KCNH1: variants seen among roughly 807,000 people sequenced by gnomAD.
KCNH1 encodes the protein potassium voltage-gated channel subfamily H member 1.
In KCNH1, 27 loss-of-function variants were observed where a neutral mutation model predicts 69.2. The ratio of observed to expected loss-of-function variants is 0.39; its 90% CI spans 0.29 to 0.54. The LOEUF is 0.54. KCNH1 is among the 20% of genes least tolerant of loss of function. The pLI is 0.68. For missense variants in KCNH1, 798 were observed against 1,261.6 expected (o/e 0.63, Z 5.57); for synonymous variants, 456 against 487.7 (o/e 0.93, Z 0.86).
intron 10 of KCNH1, among the ~76,000 whole-genome samples, chr1:210,689,924 C>T (rs1169987256): frequency 6.6e-6 from 1 of 152,202 alleles, no homozygotes; most frequent in Non-Finnish European, 1.5e-5. Flanking sequence ...GCTCTCAGAA[C>T]CCCTGGATGG....
rs71303042 is a variant in KCNH1, at chr1:210,746,569, C to CTT, written c.2112+28777_2112+28778dup. The stretch of plus-strand genomic sequence containing the variant: ...CACACAATCTTTTCTTTCTTTCTTT[C>CTT]TTTTTTTTTTTAAATAGAGTCTTGC... On this transcript the variant is annotated intron_variant, in intron 10 of 10. Transcript: ENST00000271751. Among the ~76,000 whole-genome samples, 232 of 148,208 alleles carry CTT rather than the reference C, an allele frequency of 1.6e-3. 3 individuals carry two copies. In the Middle Eastern group the frequency reaches 0.024, roughly 16 times the overall value.
rs80130910 is a variant in KCNH1, at chr1:210,710,025, C to T, written c.2113-25887G>A. Among the ~76,000 whole-genome samples the T allele has an allele frequency of 6.4e-3, 968 of 152,318 alleles. 10 individuals are homozygous for T. Among genetic ancestry groups the T allele is most frequent in the Non-Finnish European group, 4.7e-3 (323 of 68,028 alleles). ...TAAATGTGTCACAAGGCAATTTTGT[C>T]ATTGTGTGAACATCTTAGAGTATAC... On this transcript the variant is annotated intron_variant, in intron 10 of 10. Coordinates refer to ENST00000271751, the MANE Select transcript of KCNH1 (RefSeq NM_172362.3).
intron 7 of KCNH1, among the ~76,000 whole-genome samples, chr1:210,854,845 A>G (rs1449940482): frequency 1.3e-5 from 2 of 152,206 alleles, no homozygotes; most frequent in African/African-American, 2.4e-5. Context: ...ATGTTCTGCT[A>G]GCACCATGGA....
chr1:210,784,570 T>G (rs1423689592), intron 9 of KCNH1, among the ~76,000 whole-genome samples: 3 of 152,136 alleles, frequency 2.0e-5, no homozygotes, highest in Non-Finnish European at 4.4e-5. Flanking sequence ...GCAATGGAGG[T>G]GCTGAGGGGG....
At chr1:211,068,318 A>G (rs973608611) in intron 5 of KCNH1, among the ~76,000 whole-genome samples, 5 of 152,228 alleles carry the variant, frequency 3.3e-5, no homozygotes, top group Non-Finnish European at 7.4e-5. Context: ...CCAATTTCCA[A>G]TACGTCATGT....
rs12065044 is a variant in KCNH1 at position 211,061,522 on chromosome 1, G to A, written c.558+21258C>T. Among the ~76,000 whole-genome samples, 1,283 of 152,122 alleles carry A rather than the reference G, an allele frequency of 8.4e-3. 9 individuals are homozygous for A. The highest frequency in any genetic ancestry group is 0.029 in the African/African-American group (1,199 of 41,502). On this transcript the variant is annotated intron_variant, in intron 5 of 10. Coordinates refer to ENST00000271751, the MANE Select transcript of KCNH1 (RefSeq NM_172362.3). The stretch of plus-strand genomic sequence containing the variant: ...AATAAAGGACATCCAAATTGAAAAG[G>A]AAGAAGTCATTGTTTGCAGATGACA...
intron 10 of KCNH1, among the ~76,000 whole-genome samples, chr1:210,759,100 A>AG (rs1453671660): frequency 6.6e-6 from 1 of 150,812 alleles, no homozygotes. Flanking sequence ...TCATACCCCA[A>AG]GGGGAAAAAA....
At chr1:211,053,355 G>A (rs1361076919) in intron 5 of KCNH1, among the ~76,000 whole-genome samples, 1 of 152,184 alleles carries the variant, frequency 6.6e-6, no homozygotes, top group Non-Finnish European at 1.5e-5. Flanking sequence ...ACAAACCAGT[G>A]CAGCCAATGA....
In KCNH1 at chr1:210,801,658, C is replaced by G. The variant is rs149586939; in HGVS notation, c.1662+2309G>C. 7.2e-3 allele frequency among the ~76,000 whole-genome samples: 1,093 copies of G among 152,346 alleles called. 43 individuals carry two copies. Among genetic ancestry groups the G allele is most frequent in the Admixed American group, 0.052 (802 of 15,302 alleles). On this transcript the variant is annotated intron_variant, in intron 8 of 10. Coordinates refer to ENST00000271751, the MANE Select transcript of KCNH1 (RefSeq NM_172362.3). ...GGGGAAGGGCTTCTTTCCAGACAAC[C>G]AGACTTACAAAGGCATCCTGGTGCC... is the stretch of plus-strand genomic sequence containing the variant.
chr1:210,788,693 T>C (rs796478629), intron 9 of KCNH1, among the ~76,000 whole-genome samples: 1,109 of 86,634 alleles, frequency 0.013, 48 homozygotes, highest in African/African-American at 0.049. Flanking sequence ...TTCTTTTTTT[T>C]TTTTTTTTTT....
intron 10 of KCNH1, among the ~76,000 whole-genome samples, chr1:210,722,126 TAAAAAA>T (rs1218386666): frequency 6.6e-6 from 1 of 151,990 alleles, no homozygotes. Context: ...CACAAAGACA[TAAAAAA>T]GAAAATCTGC....
At chr1:211,023,794 A>G (rs1251630533) in intron 5 of KCNH1, among the ~76,000 whole-genome samples, 1 of 152,198 alleles carries the variant, frequency 6.6e-6, no homozygotes, top group African/African-American at 2.4e-5. Context: ...ATCCTATCAC[A>G]TGTACACCCA....
At chr1:211,014,511 G>A (rs1689457189) in intron 6 of KCNH1, among the ~76,000 whole-genome samples, 1 of 152,198 alleles carries the variant, frequency 6.6e-6, no homozygotes, top group African/African-American at 2.4e-5. Flanking sequence ...CTTAAATCAT[G>A]GAGATGGGCT....
chr1:210,683,233 G>A lies in KCNH1; in HGVS notation c.*48C>T, dbSNP rs375873482. ...CATATGTGGTAGGGGTGGTGGTGACGGCAGGGTTGGAGGTATCTGTCTCTG... is the reference window on the plus strand; with the variant it reads ...CATATGTGGTAGGGGTGGTGGTGACAGCAGGGTTGGAGGTATCTGTCTCTG... On this transcript the variant is annotated 3_prime_UTR_variant, in exon 11 of 11. Coordinates refer to ENST00000271751, the MANE Select transcript of KCNH1 (RefSeq NM_172362.3). The surrounding 1 kb of genome is among the most constrained non-coding windows in gnomAD (Gnocchi z 5.7). 1.8e-5 allele frequency: 28 copies of A among 1,560,636 alleles called. No individual in the cohort carries two copies. The Middle Eastern group carries it at 6.9e-4, about 39-fold the overall frequency.
intron 10 of KCNH1, among the ~76,000 whole-genome samples, chr1:210,697,478 AG>A (rs927385431): frequency 1.3e-5 from 2 of 152,222 alleles, no homozygotes; most frequent in African/African-American, 4.8e-5. Context: ...TCTTTCTCGC[AG>A]GCCTGCAAGA....
intron 1 of KCNH1, among the ~76,000 whole-genome samples, chr1:211,126,176 A>T (rs1027798435): frequency 6.2e-5 from 9 of 144,738 alleles, no homozygotes; most frequent in African/African-American, 2.4e-4. Context: ...ACCCCTCTGG[A>T]CAACATGGCA....
At chr1:211,050,260 T>TCAAAAAAAAA (rs1690173801) in intron 5 of KCNH1, among the ~76,000 whole-genome samples, 1 of 58,582 alleles carries the variant, frequency 1.7e-5, no homozygotes, top group African/African-American at 7.1e-5. Flanking sequence ...CACACATTCT[T>TCAAAAAAAAA]AAAAAAAAAA....
chr1:210,697,738 G>A (rs1681676633), intron 10 of KCNH1, among the ~76,000 whole-genome samples: 1 of 152,222 alleles, frequency 6.6e-6, no homozygotes, highest in Admixed American at 6.5e-5. Context: ...CTCACTCCTG[G>A]AGCCCAGTCC....
intron 4 of KCNH1, among the ~76,000 whole-genome samples, chr1:211,088,699 A>G (rs1040939849): frequency 2.0e-5 from 3 of 152,168 alleles, no homozygotes; most frequent in South Asian, 2.1e-4. Flanking sequence ...GTGTGTGTGT[A>G]TGTGTCAAAT....
Sources: gnomAD v4.1 joint callset for allele counts (sites outside exome capture counted in the v4.1 genomes callset) on GRCh38, gnomAD v4.1.1 for gene constraint, Gnocchi (gnomAD v3.1) non-coding constraint, MANE v1.5 for transcripts, NCBI Gene and HGNC (gene_info 2026-07-23, HGNC 2026-07-21) for gene names.